NALF1: variants seen among roughly 807,000 people sequenced by gnomAD.
NALF1 encodes NALCN channel auxiliary factor 1.
Under a neutral mutation model 48.4 loss-of-function variants are expected in NALF1, and 3 were observed. The ratio of observed to expected loss-of-function variants is 0.06; its 90% CI spans 0.03 to 0.16. The LOEUF is 0.16. NALF1 is among the 10% of genes least tolerant of loss of function. The pLI is 1.00. For synonymous variants in NALF1, 262 were observed against 245.7 expected, an observed-to-expected ratio of 1.07 and a Z score of -0.62; for missense variants, 526 against 571.5, an observed-to-expected ratio of 0.92 and a Z score of 0.81.
chr13:107,754,050 A>C (rs1474697386), intron 1 of NALF1, among the ~76,000 whole-genome samples: 2 of 152,036 alleles, frequency 1.3e-5, no homozygotes, highest in Non-Finnish European at 2.9e-5. Context: ...AAATAAAGAG[A>C]TTTTCTCTAA....
rs144908186 is a variant in NALF1, at chr13:107,455,560, G to C, written c.916-244805C>G. ...ACATCATCATCACCCAGAGTTCATA[G>C]TTTACATTATTGTTCACTCTCAGTG... is the stretch of plus-strand genomic sequence containing the variant. On this transcript the variant is annotated intron_variant, in intron 1 of 2. Coordinates refer to ENST00000375915, the MANE Select transcript of NALF1 (RefSeq NM_001080396.3). Among the ~76,000 whole-genome samples the C allele has an allele frequency of 4.4e-4, 67 of 152,248 alleles. 2 individuals are homozygous for C. The South Asian group carries it at 9.4e-3, about 21-fold the overall frequency.
At chr13:107,457,283 G>A (rs1207770109) in intron 1 of NALF1, among the ~76,000 whole-genome samples, 1 of 152,062 alleles carries the variant, frequency 6.6e-6, no homozygotes, top group African/African-American at 2.4e-5. Flanking sequence ...GTATTGGGAG[G>A]GAATTTCGAG....
chr13:107,375,638 A>C (rs1883322803), intron 1 of NALF1, among the ~76,000 whole-genome samples: 1 of 152,178 alleles, frequency 6.6e-6, no homozygotes, highest in Non-Finnish European at 1.5e-5. Flanking sequence ...ATTTTGAATT[A>C]TCAGTTTAAT....
chr13:107,633,031 G>C (rs562929954), intron 1 of NALF1, among the ~76,000 whole-genome samples: 1 of 151,998 alleles, frequency 6.6e-6, no homozygotes, highest in Non-Finnish European at 1.5e-5. Context: ...TTTTTAGAAA[G>C]AGAGAATAGT....
chr13:107,853,412 T>C (rs927148061), intron 1 of NALF1, among the ~76,000 whole-genome samples: 3 of 152,220 alleles, frequency 2.0e-5, no homozygotes, highest in Non-Finnish European at 4.4e-5. Flanking sequence ...ATTGTAGTTA[T>C]TTATGGGTCT....
intron 1 of NALF1, among the ~76,000 whole-genome samples, chr13:107,237,086 GT>G (rs1027648975): frequency 1.8e-5 from 1 of 54,408 alleles, no homozygotes; most frequent in Non-Finnish European, 5.2e-5. Context: ...AAAACTGTAT[GT>G]GGTTTTTTTT....
At chr13:107,506,727 G>C (rs1336612957) in intron 1 of NALF1, among the ~76,000 whole-genome samples, 1 of 151,762 alleles carries the variant, frequency 6.6e-6, no homozygotes, top group Non-Finnish European at 1.5e-5. Flanking sequence ...TTTTTTCTCT[G>C]AATAATATTC....
intron 1 of NALF1, among the ~76,000 whole-genome samples, chr13:107,409,828 A>G (rs1883958992): frequency 6.6e-6 from 1 of 152,200 alleles, no homozygotes; most frequent in African/African-American, 2.4e-5. Context: ...TAAAGACACC[A>G]TACAGCTAGA....
chr13:107,271,227 C>T (rs1216591302), intron 1 of NALF1, among the ~76,000 whole-genome samples: 1 of 152,102 alleles, frequency 6.6e-6, no homozygotes, highest in Admixed American at 6.6e-5. Context: ...AATCATTTGA[C>T]CTTAATATAG....
chr13:107,448,176 T>C (rs1441360075), intron 1 of NALF1, among the ~76,000 whole-genome samples: 1 of 152,144 alleles, frequency 6.6e-6, no homozygotes, highest in Non-Finnish European at 1.5e-5. Context: ...GACCCCACTT[T>C]CCACATCACT....
chr13:107,770,645 T>C (rs923495514), intron 1 of NALF1, among the ~76,000 whole-genome samples: 19 of 152,198 alleles, frequency 1.2e-4, no homozygotes, highest in Non-Finnish European at 2.8e-4. Flanking sequence ...TGTCCAAATA[T>C]GTTTCTCCAA....
chr13:107,642,891 T>C (rs1880198552), intron 1 of NALF1, among the ~76,000 whole-genome samples: 1 of 152,190 alleles, frequency 6.6e-6, no homozygotes, highest in African/African-American at 2.4e-5. Context: ...TGCTCTTAAA[T>C]TGGCTGTTTC....
At chr13:107,541,286 C>A (rs1489003634) in intron 1 of NALF1, among the ~76,000 whole-genome samples, 2 of 152,132 alleles carry the variant, frequency 1.3e-5, no homozygotes, top group Non-Finnish European at 2.9e-5. Context: ...GCTGTTCCAG[C>A]ATGGATGGTA....
At chr13:107,760,174 C>T (rs944363241) in intron 1 of NALF1, among the ~76,000 whole-genome samples, 3 of 152,208 alleles carry the variant, frequency 2.0e-5, no homozygotes, top group African/African-American at 7.2e-5. Context: ...AGAGTTATTG[C>T]ATCAAGGTAG....
chr13:107,481,362 A>G (rs1426893873), intron 1 of NALF1, among the ~76,000 whole-genome samples: 2 of 152,184 alleles, frequency 1.3e-5, no homozygotes, highest in African/African-American at 4.8e-5. Flanking sequence ...TCTTGTCACA[A>G]TAATATATCT....
At chr13:107,573,915 CT>C (rs1350179745) in intron 1 of NALF1, among the ~76,000 whole-genome samples, 11 of 152,172 alleles carry the variant, frequency 7.2e-5, no homozygotes, top group Non-Finnish European at 1.3e-4. Flanking sequence ...AAACCTCTTT[CT>C]TTTATAAAGT....
At chr13:107,373,557 A>G (rs538411654) in intron 1 of NALF1, among the ~76,000 whole-genome samples, 1 of 152,268 alleles carries the variant, frequency 6.6e-6, no homozygotes, top group African/African-American at 2.4e-5. Flanking sequence ...GCCACAGCCA[A>G]TGGGTCCAGC....
intron 1 of NALF1, among the ~76,000 whole-genome samples, chr13:107,440,296 T>C (rs1444374939): frequency 6.6e-6 from 1 of 152,050 alleles, no homozygotes; most frequent in Non-Finnish European, 1.5e-5. Context: ...GGGGTTGGAG[T>C]AGCTGTGGAA....
At chr13:107,422,155 A>G (rs1307606887) in intron 1 of NALF1, among the ~76,000 whole-genome samples, 1 of 152,194 alleles carries the variant, frequency 6.6e-6, no homozygotes, top group Non-Finnish European at 1.5e-5. Context: ...AGCATTCATC[A>G]AATTCCTCTC....
Sources: gnomAD v4.1 joint callset for allele counts (sites outside exome capture counted in the v4.1 genomes callset) on GRCh38, gnomAD v4.1.1 for gene constraint, MANE v1.5 for transcripts, NCBI Gene and HGNC (gene_info 2026-07-23, HGNC 2026-07-21) for gene names.